The following CRTC3 variants were observed in gnomAD, a reference collection of about 807,000 sequenced individuals.
The protein encoded by CRTC3 is CREB regulated transcription coactivator 3, also known as CREB-regulated transcription coactivator 3.
A neutral mutation model predicts 74.5 loss-of-function variants in CRTC3; 26 were observed. The ratio of observed to expected loss-of-function variants is 0.35; its 90% CI spans 0.26 to 0.48. The LOEUF is 0.48. Ranked by LOEUF, CRTC3 falls within the 20% of genes least tolerant of loss-of-function variation. CRTC3 has a pLI of 0.99. For synonymous variants in CRTC3, 377 were observed against 325.8 expected (o/e 1.16, Z -1.69); for missense variants, 760 against 787.3 (o/e 0.97, Z 0.41).
chr15:90,603,188 A>G (rs1968122039), intron 4 of CRTC3, among the ~76,000 whole-genome samples: 1 of 152,058 alleles, frequency 6.6e-6, no homozygotes, highest in African/African-American at 2.4e-5. Context: ...TCATGCCTGT[A>G]ATCCCAGCAC....
chr15:90,581,519 C>T (rs1453723884), intron 2 of CRTC3, among the ~76,000 whole-genome samples: 1 of 151,994 alleles, frequency 6.6e-6, no homozygotes, highest in African/African-American at 2.4e-5. Flanking sequence ...GAAAACACAG[C>T]CTTCATCTCT....
At chr15:90,623,726 C>CA (rs1206908171) in intron 9 of CRTC3, among the ~76,000 whole-genome samples, 1 of 152,196 alleles carries the variant, frequency 6.6e-6, no homozygotes, top group Middle Eastern at 3.2e-3. Flanking sequence ...ACCCCGCGTC[C>CA]AGCCTTCCAC....
intron 2 of CRTC3, among the ~76,000 whole-genome samples, chr15:90,590,416 AG>A (rs1967772958): frequency 6.6e-6 from 1 of 151,650 alleles, no homozygotes; most frequent in African/African-American, 2.4e-5. Flanking sequence ...TGGCCTTTTG[AG>A]TGGCACGTAG....
intron 2 of CRTC3, among the ~76,000 whole-genome samples, chr15:90,558,725 C>T (rs1423365906): frequency 2.0e-5 from 3 of 151,850 alleles, no homozygotes; most frequent in Non-Finnish European, 2.9e-5. Flanking sequence ...TATCACGATC[C>T]AGTATACTAT....
chr15:90,550,423 T>A (rs1966852904), intron 2 of CRTC3, among the ~76,000 whole-genome samples: 1 of 146,766 alleles, frequency 6.8e-6, no homozygotes, highest in Non-Finnish European at 1.5e-5. Flanking sequence ...AAAAAAAAAA[T>A]CATTTCCCTT....
At chr15:90,575,179 C>A (rs1274825802) in intron 2 of CRTC3, among the ~76,000 whole-genome samples, 2 of 152,088 alleles carry the variant, frequency 1.3e-5, no homozygotes, top group Admixed American at 1.3e-4. Flanking sequence ...GTGAAACCCC[C>A]GTCTCTGCTA....
At chr15:90,639,653 T>C (rs1012225299) in intron 13 of CRTC3, among the ~76,000 whole-genome samples, 11 of 151,438 alleles carry the variant, frequency 7.3e-5, no homozygotes, top group African/African-American at 2.7e-4. Context: ...TTTCACTTTG[T>C]TGACCAGGCT....
chr15:90,554,636 T>C (rs1265120258), intron 2 of CRTC3, among the ~76,000 whole-genome samples: 1 of 152,272 alleles, frequency 6.6e-6, no homozygotes, highest in East Asian at 1.9e-4. Flanking sequence ...GTTCTAGCAC[T>C]GCTGCTTACC....
At chr15:90,539,824 A>G in intron 1 of CRTC3, 2 of 536,002 alleles carry the variant, frequency 3.7e-6, no homozygotes, top group Non-Finnish European at 6.6e-6. Flanking sequence ...ATCATGGTAT[A>G]TGGGACATTT....
At chr15:90,543,300 C>CA (rs10678466) in intron 2 of CRTC3, among the ~76,000 whole-genome samples, 25,239 of 108,182 alleles carry the variant, frequency 0.23, 3,460 homozygotes, top group East Asian at 0.47. Context: ...AACCCTGTCT[C>CA]AAAAAAAAAA....
At chr15:90,553,695 A>G (rs184322856) in intron 2 of CRTC3, among the ~76,000 whole-genome samples, 54 of 152,274 alleles carry the variant, frequency 3.5e-4, no homozygotes, top group Non-Finnish European at 5.9e-4. Context: ...CGTGCTCTCA[A>G]TTGTTCATGC....
At position 90,545,839 on chromosome 15, in the gene CRTC3, A is replaced by G. The variant is rs138066210; in HGVS notation, c.231+5702A>G. Among the ~76,000 whole-genome samples, 1,505 of 152,158 alleles carry G rather than the reference A, an allele frequency of 9.9e-3. 17 individuals carry two copies. Among genetic ancestry groups the G allele is most frequent in the Non-Finnish European group, 0.014 (956 of 67,982 alleles). On this transcript the variant is annotated intron_variant, in intron 2 of 14. Coordinates refer to ENST00000268184, the MANE Select transcript of CRTC3 (RefSeq NM_022769.5). Reference sequence around the variant, plus strand: ...GTGATCCGCCCGCCTTGGCCTCCCAAAGTGCTGGGATTACAGGCGTGAGCC... The same window carrying G: ...GTGATCCGCCCGCCTTGGCCTCCCAGAGTGCTGGGATTACAGGCGTGAGCC...
At chr15:90,576,619 C>G (rs760194503) in intron 2 of CRTC3, among the ~76,000 whole-genome samples, 86 of 152,000 alleles carry the variant, frequency 5.7e-4, no homozygotes, top group Admixed American at 9.2e-4. Flanking sequence ...TCAGGAAGTT[C>G]AGGAGTGTGC....
intron 2 of CRTC3, among the ~76,000 whole-genome samples, chr15:90,568,514 C>T (rs1450292343): frequency 6.6e-6 from 1 of 152,072 alleles, no homozygotes; most frequent in Non-Finnish European, 1.5e-5. Context: ...CCATGCCTGG[C>T]TAATTTTTGT....
Position 90,551,942 on chromosome 15 carries a change from A to ACG in CRTC3, c.231+11807_231+11808dup, listed in dbSNP as rs1555446976. ...ACATTACACACACGCACACACACAC[A>ACG]CGCACACACACACACACACACACAC... On this transcript the variant is annotated intron_variant, in intron 2 of 14. Transcript: ENST00000268184. Among the ~76,000 whole-genome samples, 42 of 48,092 alleles carry ACG rather than the reference A, an allele frequency of 8.7e-4. 4 individuals are homozygous for ACG. The highest frequency in any genetic ancestry group is 3.6e-3 in the East Asian group (9 of 2,526). The allele number at this position is 48,092 out of a possible 152,430, so 31.6% of individuals were successfully genotyped here. A position where few individuals can be genotyped will look rare whatever the true frequency, so the allele number is the denominator to read the frequency against.
At chr15:90,541,568 T>C (rs1318253842) in intron 2 of CRTC3, among the ~76,000 whole-genome samples, 1 of 152,162 alleles carries the variant, frequency 6.6e-6, no homozygotes, top group African/African-American at 2.4e-5. Context: ...ATTAACCCAC[T>C]GGGTTATTTA....
Position 90,604,267 on chromosome 15 carries a change from G to A in CRTC3, c.414-118G>A, listed in dbSNP as rs551295013. The A allele has an allele frequency of 1.8e-4, 132 of 744,486 alleles. No individual in the cohort carries two copies. In the African/African-American group the frequency reaches 2.2e-3, roughly 12 times the overall value. 46.1% of individuals were successfully genotyped at this position (744,486 alleles called of 1,614,324 possible). ...TGAGCGAGGTGTGGGGTATTTTTAA[G>A]TAACTCTTGCAGAGCGAGGTGAGTA... On this transcript the variant is annotated intron_variant, in intron 4 of 14. Transcript: ENST00000268184.
intron 2 of CRTC3, among the ~76,000 whole-genome samples, chr15:90,543,071 C>T (rs557581447): frequency 2.0e-5 from 3 of 146,768 alleles, no homozygotes; most frequent in South Asian, 2.2e-4. Flanking sequence ...CTGAGGCAGG[C>T]AGATCGCTTG....
intron 2 of CRTC3, among the ~76,000 whole-genome samples, chr15:90,572,505 T>C (rs1035829931): frequency 6.6e-5 from 10 of 152,230 alleles, no homozygotes; most frequent in Non-Finnish European, 1.3e-4. Context: ...TAAGGTGATA[T>C]CAATTTCTAC....
Sources: gnomAD v4.1 joint callset for allele counts (sites outside exome capture counted in the v4.1 genomes callset) on GRCh38, gnomAD v4.1.1 for gene constraint, MANE v1.5 for transcripts, NCBI Gene and HGNC (gene_info 2026-07-23, HGNC 2026-07-21) for gene names.